KLF12: variants seen among roughly 807,000 people sequenced by gnomAD.
KLF12 encodes the protein KLF transcription factor 12.
In KLF12, 9 loss-of-function variants were observed where a neutral mutation model predicts 37.8. The observed-to-expected ratio is 0.24, with a 90% CI of 0.14 to 0.42. The LOEUF (loss-of-function observed/expected upper bound fraction) is 0.42. KLF12 is among the 10% of genes least tolerant of loss of function. KLF12 has a pLI of 1.00. For missense variants in KLF12, 411 were observed against 516.0 expected, an observed-to-expected ratio of 0.80 and a Z score of 1.97; for synonymous variants, 208 against 202.1, an observed-to-expected ratio of 1.03 and a Z score of -0.25.
intron 1 of KLF12, among the ~76,000 whole-genome samples, chr13:74,074,514 T>C (rs1169604562): frequency 6.6e-6 from 1 of 152,166 alleles, no homozygotes; most frequent in African/African-American, 2.4e-5. Context: ...AGGTACCAGG[T>C]ACCATTCCAA....
At chr13:73,967,383 A>T (rs9592957) in intron 2 of KLF12, among the ~76,000 whole-genome samples, 1 of 152,302 alleles carries the variant, frequency 6.6e-6, no homozygotes, top group East Asian at 1.9e-4. Flanking sequence ...CAACGCCAGA[A>T]GAATACAGTG....
chr13:73,843,192 T>C (rs1884834316), intron 4 of KLF12, among the ~76,000 whole-genome samples: 1 of 152,144 alleles, frequency 6.6e-6, no homozygotes, highest in Non-Finnish European at 1.5e-5. Context: ...CTTGTTTTTA[T>C]AAAAAAGAGA....
intron 6 of KLF12, among the ~76,000 whole-genome samples, chr13:73,753,116 C>G (rs1878899285): frequency 6.6e-6 from 1 of 152,022 alleles, no homozygotes; most frequent in Non-Finnish European, 1.5e-5. Context: ...ACATAAGACT[C>G]CACCACTTCA....
chr13:74,133,322 C>G (rs950488276), intron 1 of KLF12, among the ~76,000 whole-genome samples: 8 of 151,890 alleles, frequency 5.3e-5, no homozygotes, highest in African/African-American at 1.9e-4. Flanking sequence ...CGAGCCCCCC[C>G]TCCCCCCCAA....
chr13:73,951,560 TG>T (rs938660675), intron 2 of KLF12, among the ~76,000 whole-genome samples: 5 of 152,188 alleles, frequency 3.3e-5, no homozygotes, highest in African/African-American at 1.2e-4. Flanking sequence ...CTCTGGCTAG[TG>T]GGTTTCAGGC....
intron 5 of KLF12, among the ~76,000 whole-genome samples, chr13:73,796,507 CTGTGTGTGTGTGTGTGTGTG>C (rs5804694): frequency 1.4e-5 from 2 of 140,276 alleles, no homozygotes; most frequent in Admixed American, 7.3e-5. Context: ...TGCCCCTGTG[CTGTGTGTGTGTGTGTGTGTG>C]TGTGTGTGTG....
intron 5 of KLF12, among the ~76,000 whole-genome samples, chr13:73,809,516 A>T (rs1014180526): frequency 2.9e-5 from 2 of 68,656 alleles, no homozygotes; most frequent in Non-Finnish European, 6.0e-5. Context: ...CAGAATTTTT[A>T]AAATTTTTAT....
chr13:74,223,108 C>T, the KLF12 span, among the ~76,000 whole-genome samples: 8,493 of 152,162 alleles, frequency 0.056, 591 homozygotes, highest in African/African-American at 0.17. Flanking sequence ...CTTTTTGTGG[C>T]GCTTTCAAAT....
chr13:74,196,178 G>A, the KLF12 span, among the ~76,000 whole-genome samples: 1 of 152,098 alleles, frequency 6.6e-6, no homozygotes, highest in East Asian at 1.9e-4. Context: ...TTGCAAGACA[G>A]CATATTTGGT....
intron 7 of KLF12, among the ~76,000 whole-genome samples, chr13:73,698,171 G>C (rs940226582): frequency 6.7e-6 from 1 of 149,334 alleles, no homozygotes; most frequent in African/African-American, 2.5e-5. Flanking sequence ...AAAGAAAAGA[G>C]AGAAAAGAGA....
chr13:73,753,469 A>G (rs915983177), intron 6 of KLF12, among the ~76,000 whole-genome samples: 2 of 152,180 alleles, frequency 1.3e-5, no homozygotes, highest in Non-Finnish European at 2.9e-5. Context: ...CAAGGCACTT[A>G]TCACTACCAG....
the KLF12 span, among the ~76,000 whole-genome samples, chr13:74,244,953 A>T: frequency 1.3e-5 from 2 of 152,222 alleles, no homozygotes; most frequent in Non-Finnish European, 1.5e-5. Context: ...TGACTAAATG[A>T]TTCAAACTTA....
At chr13:74,257,676 A>G in the KLF12 span, 1 of 152,152 alleles carries the variant, frequency 6.6e-6, no homozygotes, top group African/African-American at 2.4e-5. Flanking sequence ...TACGGAAATT[A>G]ATTCAGTTAT....
the KLF12 span, among the ~76,000 whole-genome samples, chr13:74,203,939 G>A: frequency 3.3e-5 from 5 of 152,138 alleles, no homozygotes; most frequent in African/African-American, 1.2e-4. Context: ...ATGATTGGAT[G>A]AAGAAAGACC....
At chr13:74,213,940 A>G in the KLF12 span, among the ~76,000 whole-genome samples, 8 of 152,048 alleles carry the variant, frequency 5.3e-5, no homozygotes, top group South Asian at 8.3e-4. Context: ...ACCTCATCTC[A>G]TACTTCCTCT....
the KLF12 span, among the ~76,000 whole-genome samples, chr13:74,274,609 T>A: frequency 6.6e-6 from 1 of 152,136 alleles, no homozygotes; most frequent in Non-Finnish European, 1.5e-5. Flanking sequence ...CTCTTTCTTC[T>A]CACTCATGCC....
At chr13:74,235,993 G>A in the KLF12 span, among the ~76,000 whole-genome samples, 1 of 148,456 alleles carries the variant, frequency 6.7e-6, no homozygotes, top group Non-Finnish European at 1.5e-5. Flanking sequence ...TGTGCACAAT[G>A]TGCAGGTTAG....
In KLF12 at chr13:74,104,365, T is replaced by C. The variant is rs547401915; in HGVS notation, c.-32+29374A>G. 2.0e-5 allele frequency among the ~76,000 whole-genome samples: 3 copies of C among 152,336 alleles called. No homozygotes were observed. The South Asian group carries it at 6.2e-4, about 32-fold the overall frequency. On this transcript the variant is annotated intron_variant, in intron 1 of 7. Transcript: ENST00000377669. ...GCACATTCACATAAACTGAGATTCA[T>C]AAAGATGCATAAGGCAGTAAAACTT...
chr13:73,888,545 C>G (rs963912191), intron 3 of KLF12, among the ~76,000 whole-genome samples: 2 of 152,104 alleles, frequency 1.3e-5, no homozygotes, highest in African/African-American at 4.8e-5. Flanking sequence ...ATATTTTCTT[C>G]ATCTTTCATC....
Sources: allele counts gnomAD v4.1 joint callset (sites outside exome capture counted in the v4.1 genomes callset), GRCh38; gene constraint gnomAD v4.1.1; transcripts MANE v1.5; gene names NCBI Gene and HGNC (gene_info 2026-07-23, HGNC 2026-07-21).